The following CIAO2A variants were observed in gnomAD, a reference collection of about 807,000 sequenced individuals.
CIAO2A encodes the protein cytosolic iron-sulfur assembly component 2A.
Under a neutral mutation model 22.4 loss-of-function variants are expected in CIAO2A, and 17 were observed. That is an observed-to-expected ratio of 0.76 (90% CI 0.52 to 1.14). CIAO2A has a LOEUF of 1.14. CIAO2A is among the 50% of genes most tolerant of loss of function. The probability of loss-of-function intolerance (pLI) is 0.00; values close to 1 mark genes in which losing one functional copy is unlikely to be tolerated. For missense variants in CIAO2A, 192 were observed against 191.4 expected (o/e 1.00, Z -0.02); for synonymous variants, 74 against 72.3 (o/e 1.02, Z -0.12).
chr15:64,090,522 A>G (rs2080832465), intron 1 of CIAO2A, among the ~76,000 whole-genome samples: 1 of 152,206 alleles, frequency 6.6e-6, no homozygotes, highest in Non-Finnish European at 1.5e-5. Flanking sequence ...CATGCGAAGC[A>G]CCTAACTTAG....
intron 1 of CIAO2A, among the ~76,000 whole-genome samples, chr15:64,091,385 T>C (rs1159051893): frequency 6.6e-6 from 1 of 150,974 alleles, no homozygotes; most frequent in East Asian, 2.0e-4. Context: ...CTCAGGAGGC[T>C]GAGGTAGGAG....
At chr15:64,085,671 G>A (rs549478662) in intron 2 of CIAO2A, among the ~76,000 whole-genome samples, 1 of 152,164 alleles carries the variant, frequency 6.6e-6, no homozygotes, top group South Asian at 2.1e-4. Context: ...CCCACAATAC[G>A]GTACAGCCAA....
intron 2 of CIAO2A, among the ~76,000 whole-genome samples, chr15:64,082,119 G>C (rs78967767): frequency 6.6e-6 from 1 of 152,076 alleles, no homozygotes; most frequent in Non-Finnish European, 1.5e-5. Flanking sequence ...ACTTGGTTTT[G>C]GTTTTCTAAG....
chr15:64,076,809 C>T (rs1361602696), intron 3 of CIAO2A, among the ~76,000 whole-genome samples: 2 of 150,678 alleles, frequency 1.3e-5, no homozygotes, highest in Admixed American at 6.6e-5. Flanking sequence ...ACTACAGCCT[C>T]GACTTCCTGG....
chr15:64,083,223 AC>A, intron 2 of CIAO2A, among the ~76,000 whole-genome samples: 1 of 151,676 alleles, frequency 6.6e-6, no homozygotes, highest in Non-Finnish European at 1.5e-5. Context: ...ATAAAATATT[AC>A]TATTTTATAC....
intron 1 of CIAO2A, 97 bp downstream of exon 1, chr15:64,093,548 T>TCC: frequency 7.5e-7 from 1 of 1,338,762 alleles, no homozygotes; most frequent in Non-Finnish European, 1.0e-6. Flanking sequence ...AAAAAAGGTC[T>TCC]CCCCTCCCAG....
At chr15:64,078,558 C>T (rs2080735999) in intron 3 of CIAO2A, among the ~76,000 whole-genome samples, 1 of 149,784 alleles carries the variant, frequency 6.7e-6, no homozygotes, top group Non-Finnish European at 1.5e-5. Context: ...ATCGCTTGAA[C>T]CCAGGAGTCA....
chr15:64,084,300 G>A (rs949739239), intron 2 of CIAO2A, among the ~76,000 whole-genome samples: 3 of 152,008 alleles, frequency 2.0e-5, no homozygotes, highest in East Asian at 1.9e-4. Context: ...GGGCCACCAC[G>A]TCTGGCGAAT....
intron 3 of CIAO2A, among the ~76,000 whole-genome samples, chr15:64,077,250 A>G (rs559402969): frequency 6.6e-6 from 1 of 152,194 alleles, no homozygotes. Flanking sequence ...GTGAGCTGAG[A>G]CTGCGCCACT....
At position 64,076,988 on chromosome 15, in the gene CIAO2A, G is replaced by A. The variant is rs377105581; in HGVS notation, c.340-1451C>T. On this transcript the variant is annotated intron_variant, in intron 3 of 4. Coordinates refer to ENST00000300030, the MANE Select transcript of CIAO2A (RefSeq NM_032231.7). ...CCCAAAGTACAGAGATTATAGGCGT[G>A]AGCCACTGCACCTGGCCCCAATTTT... 3.0e-4 allele frequency among the ~76,000 whole-genome samples: 46 copies of A among 152,194 alleles called. 1 individual carries two copies. The highest frequency in any genetic ancestry group is 9.9e-4 in the African/African-American group (41 of 41,554).
intron 2 of CIAO2A, among the ~76,000 whole-genome samples, chr15:64,085,322 G>A (rs1446797653): frequency 6.6e-6 from 1 of 152,020 alleles, no homozygotes; most frequent in Admixed American, 6.5e-5. Context: ...CCAGGAATTT[G>A]AGACCAGCCT....
Position 64,075,557 on chromosome 15 carries a change from G to T in CIAO2A, c.340-20C>A. On this transcript the variant is annotated intron_variant, in intron 3 of 4. Transcript: ENST00000300030. ...TTCCAACTGGAAAGTGGGAAAAAAA[G>T]TAAAAGAAAAAACATTAATGCATTC... 6.5e-7 allele frequency: 1 copy of T among 1,534,694 alleles called. No individual in the cohort carries two copies. The highest frequency in any genetic ancestry group is 8.9e-7 in the Non-Finnish European group (1 of 1,120,926).
At position 64,073,082 on chromosome 15, in the gene CIAO2A, C is replaced by T. The variant is rs1175738585; in HGVS notation, c.386-54G>A. Reference sequence around the variant, plus strand: ...GAAGAACTGTGTCAATATACAGCACCAGACAGTATTTTTATTAGCCTGCTG... The same window carrying T: ...GAAGAACTGTGTCAATATACAGCACTAGACAGTATTTTTATTAGCCTGCTG... On this transcript the variant is annotated intron_variant, in intron 4 of 4. Transcript: ENST00000300030. 4 of 1,213,402 alleles carry T rather than the reference C, an allele frequency of 3.3e-6. No homozygotes were observed. In the East Asian group the frequency reaches 7.2e-5, roughly 22 times the overall value. 75.2% of individuals were successfully genotyped at this position (1,213,402 alleles called of 1,614,324 possible).
At chr15:64,080,489 T>C (rs2080751761) in intron 3 of CIAO2A, among the ~76,000 whole-genome samples, 1 of 152,172 alleles carries the variant, frequency 6.6e-6, no homozygotes, top group South Asian at 2.1e-4. Context: ...AAGACCAGCC[T>C]GACCAATATG....
At chr15:64,093,451 A>C (rs1595964216) in intron 1 of CIAO2A, among the ~76,000 whole-genome samples, 194 bp downstream of exon 1, 1 of 150,324 alleles carries the variant, frequency 6.7e-6, no homozygotes, top group Admixed American at 6.6e-5. Context: ...AAAGACCCAC[A>C]CCCCCCACGT....
chr15:64,081,041 A>G, intron 3 of CIAO2A, 61 bp downstream of exon 3: 2 of 1,511,240 alleles, frequency 1.3e-6, no homozygotes. Flanking sequence ...GTGGTATGTG[A>G]ATTATATCTC....
Position 64,072,626 on chromosome 15 carries a change from A to G in CIAO2A, c.*305T>C. 1 of 224,044 alleles carries G rather than the reference A, an allele frequency of 4.5e-6. No individual in the cohort carries two copies. The highest frequency in any genetic ancestry group is 8.7e-6 in the Non-Finnish European group (1 of 114,660). The allele number at this position is 224,044 out of a possible 1,614,324, so 13.9% of individuals were successfully genotyped here. A position where few individuals can be genotyped will look rare whatever the true frequency, so the allele number is the denominator to read the frequency against. On this transcript the variant is annotated 3_prime_UTR_variant, in exon 5 of 5. Coordinates refer to ENST00000300030, the MANE Select transcript of CIAO2A (RefSeq NM_032231.7). ...ATTTAAATTGAGTACATTTGGGCAC[A>G]GTAGATATTTGACACGAAAAATAGT...
chr15:64,091,683 A>G (rs115727577), intron 1 of CIAO2A, among the ~76,000 whole-genome samples: 1,861 of 152,194 alleles, frequency 0.012, 34 homozygotes, highest in African/African-American at 0.043. Context: ...TATGCCACTA[A>G]ACCCTGAAAT....
chr15:64,090,183 A>G, intron 1 of CIAO2A: 1 of 162,914 alleles, frequency 6.1e-6, no homozygotes, highest in Non-Finnish European at 1.4e-5. Context: ...TCTCTACTAA[A>G]AATACAAAAA....
Sources: allele counts gnomAD v4.1 joint callset (sites outside exome capture counted in the v4.1 genomes callset), GRCh38; gene constraint gnomAD v4.1.1; transcripts MANE v1.5; gene names NCBI Gene and HGNC (gene_info 2026-07-23, HGNC 2026-07-21).